The following SIPA1L3 variants were observed in gnomAD, a reference collection of about 807,000 sequenced individuals.
SIPA1L3 encodes signal induced proliferation associated 1 like 3.
A neutral mutation model predicts 150.1 loss-of-function variants in SIPA1L3; 59 were observed. That is an observed-to-expected ratio of 0.39 (90% CI 0.32 to 0.49). SIPA1L3 has a LOEUF of 0.49. SIPA1L3 is among the 20% of genes least tolerant of loss of function. The probability of loss-of-function intolerance (pLI) is 0.86; values close to 1 mark genes in which losing one functional copy is unlikely to be tolerated. For synonymous variants in SIPA1L3, 1,070 were observed against 1,077.6 expected (o/e 0.99, Z 0.14); for missense variants, 2,211 against 2,489.5 (o/e 0.89, Z 2.38).
intron 2 of SIPA1L3, among the ~76,000 whole-genome samples, chr19:38,042,822 C>CTCAT (rs1228283341): frequency 6.6e-6 from 1 of 152,166 alleles, no homozygotes; most frequent in South Asian, 2.1e-4. Context: ...CCAGCTTGAC[C>CTCAT]TCATTCATTC....
chr19:37,975,021 C>CA (rs1004583713), intron 1 of SIPA1L3, among the ~76,000 whole-genome samples: 3 of 151,454 alleles, frequency 2.0e-5, no homozygotes, highest in Non-Finnish European at 3.0e-5. Context: ...ACAAAAAATG[C>CA]AAAAAAAAGT....
intron 1 of SIPA1L3, among the ~76,000 whole-genome samples, chr19:37,951,082 T>C (rs1423720090): frequency 6.6e-6 from 1 of 152,260 alleles, no homozygotes; most frequent in African/African-American, 2.4e-5. Flanking sequence ...GAGACCGCTG[T>C]GTGCAATTTA....
Position 38,119,467 on chromosome 19 carries a change from C to T in SIPA1L3, c.2453C>T (p.Thr818Ile). 6.2e-7 allele frequency: 1 copy of T among 1,614,168 alleles called. No homozygotes were observed. The highest frequency in any genetic ancestry group is 8.5e-7 in the Non-Finnish European group (1 of 1,180,030). ...HKSDKFHTMA[T>I]RTRQEYLKDL... The stretch of plus-strand genomic sequence containing the variant: ...TCCGACAAGTTCCACACCATGGCCA[C>T]CAGGACCCGCCAGGAGTATCTCAAG... The change falls in exon 9 of 22, where the codon ACC (threonine) becomes ATC (isoleucine). Residue 818 changes from threonine (T) to isoleucine (I), a missense_variant. By Grantham distance (89) the Thr-to-Ile change is moderately conservative. Coordinates refer to ENST00000222345, the MANE Select transcript of SIPA1L3 (RefSeq NM_015073.3).
intron 12 of SIPA1L3, among the ~76,000 whole-genome samples, chr19:38,149,671 C>T (rs1004073201): frequency 6.6e-6 from 1 of 152,156 alleles, no homozygotes; most frequent in Admixed American, 6.6e-5. Flanking sequence ...AAGCTGTAGC[C>T]TTGAGGAGGT....
chr19:38,066,312 G>A (rs2145790612), intron 2 of SIPA1L3, among the ~76,000 whole-genome samples: 1 of 152,232 alleles, frequency 6.6e-6, no homozygotes, highest in South Asian at 2.1e-4. Context: ...CTGAGCCACT[G>A]GCCTGGCCTA....
chr19:38,033,222 A>T (rs577072777), intron 2 of SIPA1L3, among the ~76,000 whole-genome samples: 1 of 152,290 alleles, frequency 6.6e-6, no homozygotes, highest in South Asian at 2.1e-4. Context: ...AAAGTGAAAA[A>T]TTTTTTGCCA....
At chr19:37,990,802 C>T (rs1178264925) in intron 1 of SIPA1L3, among the ~76,000 whole-genome samples, 2 of 152,212 alleles carry the variant, frequency 1.3e-5, no homozygotes, top group African/African-American at 4.8e-5. Context: ...CAGACACGCT[C>T]AGTGCCAGGC....
At chr19:38,061,216 G>C (rs546036573) in intron 2 of SIPA1L3, among the ~76,000 whole-genome samples, 10 of 150,414 alleles carry the variant, frequency 6.6e-5, no homozygotes, top group Non-Finnish European at 1.2e-4. Flanking sequence ...ACATGGTTTG[G>C]TATCTGCCTC....
intron 10 of SIPA1L3, among the ~76,000 whole-genome samples, chr19:38,135,123 A>G (rs1278147196): frequency 6.6e-6 from 1 of 152,214 alleles, no homozygotes. Flanking sequence ...TGTCTCCATT[A>G]TACTCTGCAG....
At chr19:37,947,885 T>C (rs920324590) in intron 1 of SIPA1L3, among the ~76,000 whole-genome samples, 3 of 152,208 alleles carry the variant, frequency 2.0e-5, no homozygotes, top group Admixed American at 1.3e-4. Flanking sequence ...ACTTTCCCTA[T>C]GCTGGAGTTC....
chr19:38,119,476 G>A lies in SIPA1L3; in HGVS notation c.2462G>A (p.Arg821His), dbSNP rs1246632149. The change falls in exon 9 of 22, where the codon CGC becomes CAC. Residue 821 changes from arginine (R) to histidine (H), a missense_variant. By Grantham distance (29) the Arg-to-His change is conservative. Coordinates refer to ENST00000222345, the MANE Select transcript of SIPA1L3 (RefSeq NM_015073.3). ...TTCCACACCATGGCCACCAGGACCC[G>A]CCAGGAGTATCTCAAGGACCTGGCC... ...DKFHTMATRTRQEYLKDLAEN... is the reference protein window; with the variant it reads ...DKFHTMATRTHQEYLKDLAEN... The A allele has an allele frequency of 1.9e-6, 3 of 1,614,044 alleles. No homozygotes were observed. Among genetic ancestry groups the A allele is most frequent in the Admixed American group, 1.7e-5 (1 of 59,996 alleles).
At chr19:37,969,567 CAA>C (rs1336149761) in intron 1 of SIPA1L3, among the ~76,000 whole-genome samples, 1 of 151,954 alleles carries the variant, frequency 6.6e-6, no homozygotes, top group African/African-American at 2.4e-5. Context: ...AAAAATAACA[CAA>C]ATAAATAAAA....
intron 18 of SIPA1L3, among the ~76,000 whole-genome samples, chr19:38,197,129 C>T (rs529134663): frequency 8.5e-5 from 13 of 152,208 alleles, no homozygotes; most frequent in African/African-American, 2.2e-4. Flanking sequence ...TGTCACCCCC[C>T]GCCTCCGCCA....
intron 2 of SIPA1L3, among the ~76,000 whole-genome samples, chr19:38,069,219 A>G (rs765231175): frequency 4.6e-5 from 7 of 152,160 alleles, no homozygotes; most frequent in Non-Finnish European, 8.8e-5. Flanking sequence ...GCCTGGCTTT[A>G]GTGGGACAGA....
chr19:38,193,340 C>A (rs571720711), intron 17 of SIPA1L3, among the ~76,000 whole-genome samples, 197 bp from the exon 18 acceptor site: 1 of 124,980 alleles, frequency 8.0e-6, no homozygotes, highest in Non-Finnish European at 1.6e-5. Flanking sequence ...CAGAGTGAGA[C>A]CCTGTCTCAA....
intron 2 of SIPA1L3, among the ~76,000 whole-genome samples, chr19:38,061,616 C>A (rs1198158566): frequency 1.3e-5 from 2 of 151,860 alleles, no homozygotes; most frequent in Admixed American, 1.3e-4. Flanking sequence ...GAGAGACAGA[C>A]AAGGACAGGG....
intron 1 of SIPA1L3, among the ~76,000 whole-genome samples, chr19:37,945,692 T>C (rs1432290164): frequency 6.6e-6 from 1 of 152,216 alleles, no homozygotes. Context: ...TTTTAATGGC[T>C]ACATAGCATT....
At chr19:37,988,750 G>C (rs1008008430) in intron 1 of SIPA1L3, among the ~76,000 whole-genome samples, 43 of 152,006 alleles carry the variant, frequency 2.8e-4, no homozygotes, top group African/African-American at 1.0e-3. Context: ...TGGCCCACTG[G>C]GCCCCCTTGA....
At chr19:38,142,482 T>TGTCCATCCATCTGTCTGTCCGTCC in intron 11 of SIPA1L3, 91 bp from the exon 12 acceptor site, 3 of 1,407,096 alleles carry the variant, frequency 2.1e-6, no homozygotes, top group Non-Finnish European at 2.9e-6. Flanking sequence ...TCTGTCCGTC[T>TGTCCATCCATCTGTCTGTCCGTCC]GTCCATCCAT....
Sources: gnomAD v4.1 joint callset for allele counts (sites outside exome capture counted in the v4.1 genomes callset) on GRCh38, gnomAD v4.1.1 for gene constraint, MANE v1.5 for transcripts, NCBI Gene and HGNC (gene_info 2026-07-23, HGNC 2026-07-21) for gene names.